CRTC1: variants seen among roughly 807,000 people sequenced by gnomAD.
CRTC1 encodes the protein CREB regulated transcription coactivator 1, also known as CREB-regulated transcription coactivator 1.
A neutral mutation model predicts 66.1 loss-of-function variants in CRTC1; 18 were observed. The observed-to-expected ratio is 0.27, with a 90% confidence interval of 0.19 to 0.40. The LOEUF (loss-of-function observed/expected upper bound fraction) is 0.40, where lower values mean the gene tolerates loss of function less well. Among genes scored for constraint, CRTC1 ranks in the 10% least tolerant of loss-of-function variants. The pLI, the probability that CRTC1 is intolerant of heterozygous loss-of-function variation, is 1.00. For synonymous variants in CRTC1, 416 were observed against 398.8 expected (o/e 1.04, Z -0.51); for missense variants, 669 against 887.9 (o/e 0.75, Z 3.13).
chr19:18,702,792 C>T (rs1442836237), intron 1 of CRTC1, among the ~76,000 whole-genome samples: 1 of 152,104 alleles, frequency 6.6e-6, no homozygotes. Flanking sequence ...CCTCGGCCCC[C>T]CAAAGTGCTG....
intron 2 of CRTC1, 103 bp downstream of exon 2, chr19:18,743,129 C>T (rs574094188): frequency 1.6e-5 from 14 of 902,340 alleles, no homozygotes; most frequent in African/African-American, 3.3e-5. Context: ...AGACAGTTGG[C>T]GGAGCCCACC....
intron 8 of CRTC1, among the ~76,000 whole-genome samples, chr19:18,762,471 G>A (rs977365350): frequency 6.6e-6 from 1 of 152,168 alleles, no homozygotes; most frequent in Non-Finnish European, 1.5e-5. Flanking sequence ...AAGCCCACCC[G>A]CCAGTCAGAA....
Position 18,765,416 on chromosome 19 carries a change from C to A in CRTC1, c.899C>A (p.Pro300His). ...ACTTCCTCTCTAGGAATGAGCACAC[C>A]TGGCTCCTCTCCACAGCACCGCCCA... Reference protein sequence around the residue: ...IGGAGQGMSTPGSSPQHRPAG... With the variant: ...IGGAGQGMSTHGSSPQHRPAG... The change falls in exon 9 of 14, where the codon CCT (proline) becomes CAT (histidine). Residue 300 changes from proline to histidine, a missense_variant. Pro to His is a moderately conservative substitution (Grantham distance 77). This residue lies in a region of CRTC1 where 241 missense variants were observed against 242.2 expected (regional missense o/e 0.99). Coordinates refer to ENST00000321949, the MANE Select transcript of CRTC1 (RefSeq NM_015321.3). 6.2e-7 allele frequency: 1 copy of A among 1,612,798 alleles called. No individual in the cohort carries two copies. The highest frequency in any genetic ancestry group is 8.5e-7 in the Non-Finnish European group (1 of 1,179,554).
At position 18,777,263 on chromosome 19, in the gene CRTC1, C is replaced by T; in HGVS notation, c.1786C>T (p.Pro596Ser). The change falls in exon 14 of 14, where the codon CCC becomes TCC. Residue 596 changes from proline (P) to serine (S), a missense_variant. Transcript: ENST00000321949. This position sits in a 1 kb window ranked among gnomAD's most constrained non-coding sequence, Gnocchi z 5.5. ...CAGCTTCGACTCCGACAGCCAGTTTCCCCTGGACGAACTCAAGATCGACCC... is the reference window on the plus strand; with the variant it reads ...CAGCTTCGACTCCGACAGCCAGTTTTCCCTGGACGAACTCAAGATCGACCC... ...DVSFDSDSQF[P>S]LDELKIDPLT... 6.2e-7 allele frequency: 1 copy of T among 1,612,276 alleles called. No individual in the cohort carries two copies. The highest frequency in any genetic ancestry group is 8.5e-7 in the Non-Finnish European group (1 of 1,179,868).
intron 1 of CRTC1, among the ~76,000 whole-genome samples, chr19:18,700,908 A>G (rs13344506): frequency 0.14 from 21,423 of 152,208 alleles, 1,776 homozygotes; most frequent in African/African-American, 0.22. Flanking sequence ...GCGTTACACC[A>G]TTGAGTCCTT....
At chr19:18,683,872 A>T in intron 1 of CRTC1, 44 bp downstream of exon 1, 1 of 947,824 alleles carries the variant, frequency 1.1e-6, no homozygotes, top group South Asian at 2.7e-5. Context: ...CGGCGGAGGG[A>T]GGGAGGGGGC....
At chr19:18,763,812 C>T (rs769592398) in intron 8 of CRTC1, among the ~76,000 whole-genome samples, 1 of 152,204 alleles carries the variant, frequency 6.6e-6, no homozygotes, top group African/African-American at 2.4e-5. Context: ...GTACCGAGCC[C>T]GACCTCTGCT....
At chr19:18,731,793 C>T (rs977851456) in intron 1 of CRTC1, among the ~76,000 whole-genome samples, 3 of 152,306 alleles carry the variant, frequency 2.0e-5, no homozygotes, top group African/African-American at 7.2e-5. Flanking sequence ...CGTCACACCT[C>T]GGCTGCCTGG....
At position 18,737,993 on chromosome 19, in the gene CRTC1, A is replaced by C. The variant is rs146970511; in HGVS notation, c.127-4917A>C. On this transcript the variant is annotated intron_variant, in intron 1 of 13. Transcript: ENST00000321949. ...ATTATCAGTGAGGCTTCCAGTCAAC[A>C]GTAGGCTATTAGTTAAGTGTTGGAG... Among the ~76,000 whole-genome samples the C allele has an allele frequency of 3.8e-3, 576 of 152,276 alleles. 3 individuals carry two copies. Among genetic ancestry groups the C allele is most frequent in the African/African-American group, 0.013 (544 of 41,558 alleles).
At chr19:18,744,721 G>A (rs762917307) in intron 2 of CRTC1, among the ~76,000 whole-genome samples, 11 of 152,054 alleles carry the variant, frequency 7.2e-5, no homozygotes, top group Non-Finnish European at 1.5e-4. Flanking sequence ...CACCCTCATC[G>A]TCACAGGCCC....
In CRTC1 at chr19:18,768,929, C is replaced by A. The variant is rs997338616; in HGVS notation, c.1320+136C>A. 4 of 1,098,440 alleles carry A rather than the reference C, an allele frequency of 3.6e-6. No homozygotes were observed. Among genetic ancestry groups the A allele is most frequent in the Non-Finnish European group, 5.1e-6 (4 of 786,724 alleles). The allele number at this position is 1,098,440 out of a possible 1,614,324, so 68.0% of individuals were successfully genotyped here. On this transcript the variant is annotated intron_variant, in intron 10 of 13. Coordinates refer to ENST00000321949, the MANE Select transcript of CRTC1 (RefSeq NM_015321.3). The surrounding 1 kb of genome is among the most constrained non-coding windows in gnomAD (Gnocchi z 5.6). ...CAGCGAACGCTGCCTGGGCCCACCT[C>A]TCCACGGGGCTACCCCTTGGAATCA...
chr19:18,774,121 AG>A (rs2145863031), intron 11 of CRTC1, among the ~76,000 whole-genome samples: 1 of 152,168 alleles, frequency 6.6e-6, no homozygotes, highest in African/African-American at 2.4e-5. Flanking sequence ...AGCAGCCACA[AG>A]GTCACACTGC....
intron 1 of CRTC1, among the ~76,000 whole-genome samples, chr19:18,718,119 C>T (rs1370304295): frequency 6.6e-6 from 1 of 152,034 alleles, no homozygotes; most frequent in Non-Finnish European, 1.5e-5. Context: ...TTCTCATCAT[C>T]CAAAGGAGAC....
intron 5 of CRTC1, among the ~76,000 whole-genome samples, chr19:18,752,797 C>T (rs2054395654): frequency 6.6e-6 from 1 of 151,960 alleles, no homozygotes; most frequent in Admixed American, 6.6e-5. Context: ...ACCCCTATGC[C>T]CGGCCAATTT....
intron 1 of CRTC1, among the ~76,000 whole-genome samples, chr19:18,718,048 C>G (rs2053546432): frequency 6.6e-6 from 1 of 152,190 alleles, no homozygotes; most frequent in African/African-American, 2.4e-5. Context: ...GTGAACAGTT[C>G]CATGGCGTTT....
chr19:18,725,968 G>A (rs1161083110), intron 1 of CRTC1, among the ~76,000 whole-genome samples: 2 of 152,332 alleles, frequency 1.3e-5, no homozygotes, highest in Admixed American at 6.5e-5. Flanking sequence ...GTCTGCCTGT[G>A]CCCATGCAGA....
At position 18,686,133 on chromosome 19, in the gene CRTC1, G is replaced by A. The variant is rs1013066557; in HGVS notation, c.126+2305G>A. ...CCTAGCCCCTGGCAAGCACTAAGCT[G>A]TCTTCTGTCTCTGTGGGTTTTCCTA... On this transcript the variant is annotated intron_variant, in intron 1 of 13. Coordinates refer to ENST00000321949, the MANE Select transcript of CRTC1 (RefSeq NM_015321.3). Among the ~76,000 whole-genome samples, 21 of 151,676 alleles carry A rather than the reference G, an allele frequency of 1.4e-4. 1 individual carries two copies. The highest frequency in any genetic ancestry group is 5.9e-4 in the Admixed American group (9 of 15,198).
intron 8 of CRTC1, 99 bp from the exon 9 acceptor site, chr19:18,765,305 T>C: frequency 2.7e-6 from 4 of 1,474,318 alleles, no homozygotes; most frequent in Non-Finnish European, 3.6e-6. Flanking sequence ...GTCTGAGCAG[T>C]TGAGCTATTC....
Position 18,777,440 on chromosome 19 carries a change from G to A in CRTC1, c.*58G>A, listed in dbSNP as rs778187819. ...CCCGACGGCGCCTCCCCAGCCCGGG[G>A]ACGGCCGTGCTCCGTCCCTCGCCAA... On this transcript the variant is annotated 3_prime_UTR_variant, in exon 14 of 14. Transcript: ENST00000321949. The surrounding 1 kb of genome is among the most constrained non-coding windows in gnomAD (Gnocchi z 5.5). The A allele has an allele frequency of 2.0e-6, 3 of 1,492,642 alleles. No homozygotes were observed. The highest frequency in any genetic ancestry group is 2.3e-5 in the East Asian group (1 of 44,258). The allele number at this position is 1,492,642 out of a possible 1,614,324, so 92.5% of individuals were successfully genotyped here. A position where few individuals can be genotyped will look rare whatever the true frequency, so the allele number is the denominator to read the frequency against.
Sources: allele counts gnomAD v4.1 joint callset (sites outside exome capture counted in the v4.1 genomes callset), GRCh38; gene constraint gnomAD v4.1.1; regional missense constraint gnomAD v4.1.1; non-coding constraint Gnocchi (gnomAD v3.1); transcripts MANE v1.5; gene names NCBI Gene and HGNC (gene_info 2026-07-23, HGNC 2026-07-21).